The following GALNT17 variants were observed in gnomAD, a reference collection of about 807,000 sequenced individuals.
GALNT17 encodes UDP-GalNAc:polypeptide N-acetylgalactosaminyltransferase-like 3.
GALNT17 carries 29 observed loss-of-function variants against 63.7 expected under a neutral mutation model. That is an observed-to-expected ratio of 0.46 (90% CI 0.34 to 0.62). GALNT17 has a LOEUF of 0.62. GALNT17 is among the 20% of genes least tolerant of loss of function. The probability of loss-of-function intolerance (pLI) is 0.01; values close to 1 mark genes in which losing one functional copy is unlikely to be tolerated. For synonymous variants in GALNT17, 305 were observed against 318.3 expected, an observed-to-expected ratio of 0.96 and a Z score of 0.45; for missense variants, 603 against 799.6, an observed-to-expected ratio of 0.75 and a Z score of 2.97.
chr7:71,377,114 A>AAAAAAAAAAAAAAAAAAAAAAT, intron 2 of GALNT17, among the ~76,000 whole-genome samples: 1 of 57,482 alleles, frequency 1.7e-5, no homozygotes, highest in Non-Finnish European at 3.0e-5. Flanking sequence ...AAATAAAAAA[A>AAAAAAAAAAAAAAAAAAAAAAT]ATATATATAT....
At chr7:71,522,286 A>G (rs1788542931) in intron 5 of GALNT17, among the ~76,000 whole-genome samples, 2 of 152,172 alleles carry the variant, frequency 1.3e-5, no homozygotes, top group South Asian at 2.1e-4. Flanking sequence ...GCAGGTTTTT[A>G]TTCTCAGGGC....
intron 5 of GALNT17, among the ~76,000 whole-genome samples, chr7:71,515,529 C>T (rs1425464876): frequency 6.6e-6 from 1 of 152,100 alleles, no homozygotes; most frequent in Non-Finnish European, 1.5e-5. Flanking sequence ...CGAGGTTGGG[C>T]TTCTAAGGAG....
intron 1 of GALNT17, among the ~76,000 whole-genome samples, chr7:71,321,852 T>C (rs540908846): frequency 4.6e-4 from 63 of 137,020 alleles, no homozygotes; most frequent in African/African-American, 1.6e-3. Flanking sequence ...TTCCTTCCTT[T>C]CCTTCCTTCC....
chr7:71,612,920 T>C (rs1371378974), intron 6 of GALNT17, among the ~76,000 whole-genome samples: 1 of 152,184 alleles, frequency 6.6e-6, no homozygotes. Flanking sequence ...AAATGGAAAT[T>C]CTGTTTTCTG....
chr7:71,133,508 G>C (rs190136754), intron 1 of GALNT17, among the ~76,000 whole-genome samples: 268 of 152,254 alleles, frequency 1.8e-3, no homozygotes, highest in African/African-American at 5.9e-3. Flanking sequence ...AGGTCGCGGA[G>C]CTAATGCGCT....
At chr7:71,377,113 AAATATATATATAT>A (rs1792752442) in intron 2 of GALNT17, among the ~76,000 whole-genome samples, 1 of 82,078 alleles carries the variant, frequency 1.2e-5, no homozygotes, top group Non-Finnish European at 2.3e-5. Context: ...AAAATAAAAA[AAATATATATATAT>A]ATATATATAT....
In GALNT17 at chr7:71,637,956, C is replaced by A. The variant is rs188656921; in HGVS notation, c.1081-27455C>A. ...ATGGCTACTCCATAGGCAGAGCAGT[C>A]CCAAAGGCTGCTGGTTGCCCATGTT... On this transcript the variant is annotated intron_variant, in intron 6 of 10. Coordinates refer to ENST00000333538, the MANE Select transcript of GALNT17 (RefSeq NM_022479.3). Among the ~76,000 whole-genome samples the A allele has an allele frequency of 2.4e-4, 36 of 152,314 alleles. No individual in the cohort carries two copies. The East Asian group carries it at 6.8e-3, about 29-fold the overall frequency.
In GALNT17 at chr7:71,427,391, G is replaced by A. The variant is rs560972629; in HGVS notation, c.962+6286G>A. Among the ~76,000 whole-genome samples the A allele has an allele frequency of 2.6e-5, 4 of 151,930 alleles. No individual in the cohort carries two copies. In the South Asian group the frequency reaches 6.2e-4, roughly 24 times the overall value. On this transcript the variant is annotated intron_variant, in intron 5 of 10. Transcript: ENST00000333538. ...GATTACAGGTGTGAGCCACCACCACGCCTGGCCTCATTTACTCTTAACAGT... is the reference window on the plus strand; with the variant it reads ...GATTACAGGTGTGAGCCACCACCACACCTGGCCTCATTTACTCTTAACAGT...
At chr7:71,582,483 A>G (rs1789650872) in intron 6 of GALNT17, among the ~76,000 whole-genome samples, 1 of 151,834 alleles carries the variant, frequency 6.6e-6, no homozygotes, top group Non-Finnish European at 1.5e-5. Flanking sequence ...CGGGAGGCTG[A>G]GGAAGGGGAA....
At chr7:71,363,139 G>GT (rs1187292492) in intron 2 of GALNT17, among the ~76,000 whole-genome samples, 1 of 151,962 alleles carries the variant, frequency 6.6e-6, no homozygotes, top group Non-Finnish European at 1.5e-5. Context: ...GCTAATTTTT[G>GT]TATTTTTAGT....
At chr7:71,348,999 G>C (rs1235299030) in intron 2 of GALNT17, among the ~76,000 whole-genome samples, 1 of 152,218 alleles carries the variant, frequency 6.6e-6, no homozygotes. Flanking sequence ...GTTTATACAA[G>C]CTCACTTTAG....
chr7:71,310,900 G>A (rs980950645), intron 1 of GALNT17, among the ~76,000 whole-genome samples: 1 of 152,212 alleles, frequency 6.6e-6, no homozygotes, highest in African/African-American at 2.4e-5. Context: ...CAGGAAGACA[G>A]CTGGGAGTGA....
intron 5 of GALNT17, among the ~76,000 whole-genome samples, chr7:71,473,892 G>A (rs761022194): frequency 5.3e-5 from 8 of 152,058 alleles, no homozygotes; most frequent in East Asian, 1.9e-4. Context: ...GAAAGAATTC[G>A]GTGCAAGTCC....
chr7:71,692,725 T>A (rs1398237540), intron 9 of GALNT17, among the ~76,000 whole-genome samples: 1 of 128,946 alleles, frequency 7.8e-6, no homozygotes, highest in South Asian at 2.8e-4. Context: ...TTAATTTTTT[T>A]ATTTTTATTC....
chr7:71,470,812 G>A (rs887064925), intron 5 of GALNT17, among the ~76,000 whole-genome samples: 14 of 151,940 alleles, frequency 9.2e-5, no homozygotes, highest in Non-Finnish European at 1.6e-4. Context: ...TAATACAGTG[G>A]GATCATTGCT....
chr7:71,488,982 C>T (rs889035848), intron 5 of GALNT17, among the ~76,000 whole-genome samples: 1 of 135,282 alleles, frequency 7.4e-6, no homozygotes, highest in African/African-American at 2.8e-5. Context: ...CAGTCTCTGC[C>T]TCCCAGATTC....
At chr7:71,505,220 A>G (rs1788247761) in intron 5 of GALNT17, among the ~76,000 whole-genome samples, 1 of 152,146 alleles carries the variant, frequency 6.6e-6, no homozygotes, top group Non-Finnish European at 1.5e-5. Context: ...CCCAGGCCAC[A>G]GGACCTTTGC....
chr7:71,691,444 A>G (rs1791441899), intron 9 of GALNT17, among the ~76,000 whole-genome samples: 2 of 152,224 alleles, frequency 1.3e-5, no homozygotes, highest in African/African-American at 4.8e-5. Context: ...AATATTCGCT[A>G]TATTGCAGTG....
intron 1 of GALNT17, among the ~76,000 whole-genome samples, chr7:71,247,900 A>C (rs1432968661): frequency 9.9e-5 from 15 of 152,238 alleles, no homozygotes; most frequent in Non-Finnish European, 1.6e-4. Flanking sequence ...AATCGTAAGG[A>C]AGAAGAAAAT....
Sources: allele counts gnomAD v4.1 joint callset (sites outside exome capture counted in the v4.1 genomes callset), GRCh38; gene constraint gnomAD v4.1.1; transcripts MANE v1.5; gene names NCBI Gene and HGNC (gene_info 2026-07-23, HGNC 2026-07-21).